C5: variants seen among roughly 807,000 people sequenced by gnomAD.
C5 encodes complement C5.
Under a neutral mutation model 218.8 loss-of-function variants are expected in C5, and 140 were observed. The ratio of observed to expected loss-of-function variants is 0.64; its 90% CI spans 0.56 to 0.74. C5 has a LOEUF of 0.74. Among genes scored for constraint, C5 ranks in the 30% least tolerant of loss-of-function variants. The pLI, the probability that C5 is intolerant of heterozygous loss-of-function variation, is 0.00. For missense variants in C5, 1,700 were observed against 1,969.6 expected (o/e 0.86, Z 2.59); for synonymous variants, 614 against 682.3 (o/e 0.90, Z 1.56).
chr9:120,970,804 T>C (rs1458310040), intron 31 of C5, among the ~76,000 whole-genome samples: 1 of 152,234 alleles, frequency 6.6e-6, no homozygotes, highest in African/African-American at 2.4e-5. Context: ...ATTAAAATTA[T>C]TAATAGGATG....
chr9:120,960,163 T>C (rs2046816144), intron 38 of C5, 85 bp downstream of exon 38: 1 of 834,932 alleles, frequency 1.2e-6, no homozygotes, highest in Admixed American at 1.9e-5. Context: ...ATATAATCAC[T>C]ATATAAAGTT....
intron 20 of C5, among the ~76,000 whole-genome samples, chr9:121,002,284 A>ATGTGTGTGTGTGTG (rs1301302145): frequency 5.1e-5 from 6 of 118,638 alleles, no homozygotes; most frequent in South Asian, 3.4e-4. Context: ...ATATATACGT[A>ATGTGTGTGTGTGTG]TATATGTATA....
rs572345213 is a variant in C5, at chr9:121,002,316, G to GTGTGTGTATATATATATA, written c.2562+3602_2562+3603insTATATATATATACACACA. On this transcript the variant is annotated intron_variant, in intron 20 of 40. Coordinates refer to ENST00000223642, the MANE Select transcript of C5 (RefSeq NM_001735.3). The stretch of plus-strand genomic sequence containing the variant: ...TATATATGTATATATATATGTGTGT[G>GTGTGTGTATATATATATA]TATATATATATATATATATATATAT... Among the ~76,000 whole-genome samples, 93 of 87,386 alleles carry GTGTGTGTATATATATATA rather than the reference G, an allele frequency of 1.1e-3. 1 individual carries two copies. The highest frequency in any genetic ancestry group is 1.1e-3 in the Non-Finnish European group (51 of 45,312). The allele number at this position is 87,386 out of a possible 152,430, so 57.3% of individuals were successfully genotyped here. A position where few individuals can be genotyped will look rare whatever the true frequency, so the allele number is the denominator to read the frequency against.
At chr9:121,052,587 G>C (rs1010081757), upstream of C5, among the ~76,000 whole-genome samples, 1 of 151,820 alleles carries the variant, frequency 6.6e-6, no homozygotes, top group African/African-American at 2.4e-5. Context: ...AAGTTTGGTG[G>C]TCACCTGACC....
intron 20 of C5, among the ~76,000 whole-genome samples, chr9:121,002,232 A>G (rs12551574): frequency 8.3e-6 from 1 of 120,524 alleles, no homozygotes; most frequent in Non-Finnish European, 1.7e-5. Flanking sequence ...ATATATATGT[A>G]TATATGTATA....
At chr9:120,978,920 C>A (rs1195028143) in intron 28 of C5, among the ~76,000 whole-genome samples, 5 of 152,276 alleles carry the variant, frequency 3.3e-5, no homozygotes, top group Non-Finnish European at 7.4e-5. Context: ...AAGACATGGG[C>A]ACTCCTTGCT....
chr9:120,963,160 T>C (rs1195304186), intron 34 of C5, among the ~76,000 whole-genome samples, 193 bp from the exon 35 acceptor site: 1 of 152,240 alleles, frequency 6.6e-6, no homozygotes, highest in Non-Finnish European at 1.5e-5. Context: ...TGCTAGTGTA[T>C]GCTTCTGCTT....
intron 40 of C5, among the ~76,000 whole-genome samples, 179 bp downstream of exon 40, chr9:120,953,551 G>A (rs2046762484): frequency 1.3e-5 from 2 of 152,208 alleles, no homozygotes; most frequent in Non-Finnish European, 2.9e-5. Context: ...TAATCAGGCA[G>A]CTAAGTCCTC....
the C5 span, among the ~76,000 whole-genome samples, chr9:121,072,531 G>A: frequency 6.6e-6 from 1 of 152,192 alleles, no homozygotes; most frequent in Non-Finnish European, 1.5e-5. Flanking sequence ...TCTCGGCAGG[G>A]CGCGGTGGCT....
chr9:121,027,840 A>G (rs944558566), intron 7 of C5, among the ~76,000 whole-genome samples: 6 of 152,228 alleles, frequency 3.9e-5, no homozygotes, highest in Non-Finnish European at 5.9e-5. Flanking sequence ...CAAAATTGAC[A>G]AATGGGATCT....
chr9:120,973,651 A>G (rs1304139546), intron 30 of C5, among the ~76,000 whole-genome samples: 1 of 151,766 alleles, frequency 6.6e-6, no homozygotes, highest in African/African-American at 2.4e-5. Flanking sequence ...CTTTTTTTTC[A>G]GTATGGGCCA....
At chr9:121,030,371 A>T in intron 7 of C5, 26 bp downstream of exon 7, 2 of 1,229,822 alleles carry the variant, frequency 1.6e-6, no homozygotes, top group Non-Finnish European at 2.3e-6. Context: ...TAAAAATAAA[A>T]ACAACAAAAA....
chr9:120,961,375 C>G (rs1564131431), intron 37 of C5, 107 bp downstream of exon 37: 2 of 749,792 alleles, frequency 2.7e-6, no homozygotes, highest in Non-Finnish European at 4.8e-6. Flanking sequence ...AGCATTTCTA[C>G]TTCTGAGAAA....
chr9:121,038,991 C>T (rs1343157907), intron 3 of C5, among the ~76,000 whole-genome samples: 2 of 152,312 alleles, frequency 1.3e-5, no homozygotes, highest in African/African-American at 4.8e-5. Context: ...CAGAAAGTCA[C>T]AAAAGTTAAG....
In C5 at chr9:121,023,388, C is replaced by G. The variant is rs779054266; in HGVS notation, c.1116+16G>C. The G allele has an allele frequency of 3.5e-6, 5 of 1,428,318 alleles. No homozygotes were observed. 88.5% of individuals were successfully genotyped at this position (1,428,318 alleles called of 1,614,324 possible). ...ATGATCATATGTAGCAACGTCTACC[C>G]CCTCACCCAATCTACCTTGATGGGA... On this transcript the variant is annotated intron_variant, in intron 10 of 40. Transcript: ENST00000223642.
chr9:121,004,432 A>C (rs1001412160), intron 20 of C5, among the ~76,000 whole-genome samples: 5 of 152,164 alleles, frequency 3.3e-5, no homozygotes, highest in African/African-American at 9.7e-5. Flanking sequence ...AGTAAAATGG[A>C]AATATGAATT....
At chr9:121,069,016 C>CAGAAA in the C5 span, among the ~76,000 whole-genome samples, 1 of 152,026 alleles carries the variant, frequency 6.6e-6, no homozygotes, top group Non-Finnish European at 1.5e-5. Context: ...GGATCAAAGA[C>CAGAAA]CTAAATGTAA....
In C5 at chr9:120,957,301, C is replaced by T; in HGVS notation, c.4746G>A (p.Leu1582=). The T allele has an allele frequency of 1.2e-6, 2 of 1,610,434 alleles. No individual in the cohort carries two copies. The highest frequency in any genetic ancestry group is 2.2e-5 in the South Asian group (2 of 90,964). ...NVFVKYKATL[L]DIYKTGEAVA... ...AATTCTCACCAGTTTTGTAGATATC[C>T]AGAAGGGTTGCCTTGTACTTGACAA... Residue 1582 remains leucine, a synonymous_variant, in exon 39 of 41, where the codon CTG becomes CTA. Coordinates refer to ENST00000223642, the MANE Select transcript of C5 (RefSeq NM_001735.3).
chr9:121,017,791 T>A lies in C5; in HGVS notation c.1568A>T (p.Tyr523Phe), dbSNP rs2131762444. Residue 523 changes from tyrosine to phenylalanine, a missense_variant, in exon 13 of 41, where the codon TAT (tyrosine) becomes TTT (phenylalanine). Transcript: ENST00000223642. ...TGTTACTGGAATGTTTATACTTTGA[T>A]AAGATGCATCTGAAAATTTCTCCCT... ...GTREKFSDAS[Y>F]QSINIPVTQN... 1.2e-6 allele frequency: 2 copies of A among 1,613,918 alleles called. No individual in the cohort carries two copies. Among genetic ancestry groups the A allele is most frequent in the Non-Finnish European group, 8.5e-7 (1 of 1,179,882 alleles).
Sources: gnomAD v4.1 joint callset for allele counts (sites outside exome capture counted in the v4.1 genomes callset) on GRCh38, gnomAD v4.1.1 for gene constraint, MANE v1.5 for transcripts, NCBI Gene and HGNC (gene_info 2026-07-23, HGNC 2026-07-21) for gene names.